Variants in TNIK observed in about 807,000 individuals in gnomAD.
TNIK encodes the protein TRAF2 and NCK interacting kinase.
In TNIK, 49 loss-of-function variants were observed where a neutral mutation model predicts 191.3. The ratio of observed to expected loss-of-function variants is 0.26; its 90% CI spans 0.20 to 0.32. The LOEUF is 0.32. Ranked by LOEUF, TNIK falls within the 10% of genes least tolerant of loss-of-function variation. The pLI is 1.00. For missense variants in TNIK, 1,155 were observed against 1,702.3 expected (o/e 0.68, Z 5.66); for synonymous variants, 594 against 600.9 (o/e 0.99, Z 0.17).
chr3:171,340,444 A>T (rs1430707658), intron 2 of TNIK, among the ~76,000 whole-genome samples: 1 of 152,226 alleles, frequency 6.6e-6, no homozygotes, highest in African/African-American at 2.4e-5. Context: ...AACCGAATAC[A>T]TAAACAGGAT....
intron 7 of TNIK, among the ~76,000 whole-genome samples, chr3:171,184,690 C>A (rs556425286): frequency 6.6e-6 from 1 of 152,190 alleles, no homozygotes; most frequent in Admixed American, 6.5e-5. Context: ...TCAGGTGACA[C>A]CCTGCACGGC....
At chr3:171,378,717 G>A (rs1005879408) in intron 1 of TNIK, among the ~76,000 whole-genome samples, 15 of 152,028 alleles carry the variant, frequency 9.9e-5, no homozygotes, top group Admixed American at 4.6e-4. Context: ...TTGCAGCGAG[G>A]ATTTCTGAGA....
At chr3:171,299,540 A>G (rs529182520) in intron 2 of TNIK, among the ~76,000 whole-genome samples, 8 of 152,176 alleles carry the variant, frequency 5.3e-5, no homozygotes, top group Non-Finnish European at 8.8e-5. Flanking sequence ...GGTGACTTTT[A>G]TGATAACTAT....
chr3:171,178,094 G>A (rs1217160537), intron 7 of TNIK, among the ~76,000 whole-genome samples: 2 of 152,206 alleles, frequency 1.3e-5, no homozygotes, highest in South Asian at 2.1e-4. Flanking sequence ...CACTGTTTTT[G>A]CATTTGGACT....
chr3:171,383,299 C>T (rs1422899736), intron 1 of TNIK, among the ~76,000 whole-genome samples: 2 of 152,228 alleles, frequency 1.3e-5, no homozygotes, highest in African/African-American at 4.8e-5. Flanking sequence ...CTCTGCACCC[C>T]ACTGAGGGCA....
intron 7 of TNIK, among the ~76,000 whole-genome samples, chr3:171,180,455 A>G (rs1317850879): frequency 2.0e-5 from 3 of 152,218 alleles, no homozygotes; most frequent in African/African-American, 7.2e-5. Flanking sequence ...TCTAACACAC[A>G]TACATAAGAA....
chr3:171,072,087 T>C (rs1290466577), intron 28 of TNIK, among the ~76,000 whole-genome samples: 7 of 152,278 alleles, frequency 4.6e-5, no homozygotes, highest in Middle Eastern at 3.4e-3. Context: ...TCTGATAGAA[T>C]AATAAGCAAT....
chr3:171,110,554 A>C (rs1401623935), intron 19 of TNIK, among the ~76,000 whole-genome samples, 160 bp downstream of exon 19: 1 of 152,148 alleles, frequency 6.6e-6, no homozygotes, highest in African/African-American at 2.4e-5. Flanking sequence ...ACAGTGGCCC[A>C]CTCCCGAGGA....
intron 1 of TNIK, among the ~76,000 whole-genome samples, chr3:171,389,989 A>T (rs1719255155): frequency 6.6e-6 from 1 of 152,228 alleles, no homozygotes; most frequent in Non-Finnish European, 1.5e-5. Context: ...TATACAATAC[A>T]ACATGATGCA....
chr3:171,347,043 C>T, intron 2 of TNIK: 3 of 1,223,466 alleles, frequency 2.5e-6, no homozygotes, highest in Admixed American at 2.7e-5. Flanking sequence ...GAGAGATGTG[C>T]AATGCCTGTG....
chr3:171,414,688 T>A (rs961868976), intron 1 of TNIK, among the ~76,000 whole-genome samples: 2 of 152,230 alleles, frequency 1.3e-5, no homozygotes, highest in Non-Finnish European at 2.9e-5. Flanking sequence ...ACCACAGGAT[T>A]TAAAACTATT....
intron 7 of TNIK, among the ~76,000 whole-genome samples, chr3:171,179,446 G>GT (rs945701923): frequency 6.7e-6 from 1 of 148,824 alleles, no homozygotes; most frequent in African/African-American, 2.6e-5. Context: ...TTGTACCTGG[G>GT]TTTTTTGTTT....
intron 4 of TNIK, among the ~76,000 whole-genome samples, chr3:171,198,622 C>T (rs1739016184): frequency 6.6e-6 from 1 of 151,980 alleles, no homozygotes; most frequent in Non-Finnish European, 1.5e-5. Flanking sequence ...CATAGATGGA[C>T]ATGTGGATGG....
chr3:171,332,668 G>A (rs773663252), intron 2 of TNIK, among the ~76,000 whole-genome samples: 2 of 152,150 alleles, frequency 1.3e-5, no homozygotes, highest in Non-Finnish European at 2.9e-5. Context: ...TCCTGATTCA[G>A]CTATAACCTG....
chr3:171,172,836 C>T (rs986748270), intron 9 of TNIK, among the ~76,000 whole-genome samples: 1 of 152,200 alleles, frequency 6.6e-6, no homozygotes, highest in South Asian at 2.1e-4. Context: ...TTGGCCTGGA[C>T]TTCTCAGTGT....
At position 171,126,155 on chromosome 3, in the gene TNIK, A is replaced by G; in HGVS notation, c.1774-4T>C. ...TTACAGCTACCAGATGTGGGATCTA[A>G]GCATCAAAACAACATGAAAACAGCA... On this transcript the variant is annotated splice_region_variant and splice_polypyrimidine_tract_variant and intron_variant, in intron 16 of 32. Transcript: ENST00000436636. 2.6e-6 allele frequency: 4 copies of G among 1,528,942 alleles called. No individual in the cohort carries two copies. Among genetic ancestry groups the G allele is most frequent in the Admixed American group, 2.2e-5 (1 of 45,014 alleles). 94.7% of individuals were successfully genotyped at this position (1,528,942 alleles called of 1,614,324 possible).
chr3:171,113,319 A>C (rs1726143486), intron 18 of TNIK, among the ~76,000 whole-genome samples: 1 of 152,132 alleles, frequency 6.6e-6, no homozygotes, highest in African/African-American at 2.4e-5. Context: ...ATAAAATGCT[A>C]ATTCGGCCAG....
intron 3 of TNIK, among the ~76,000 whole-genome samples, chr3:171,224,935 T>C (rs1170640479): frequency 6.6e-6 from 1 of 152,172 alleles, no homozygotes; most frequent in Non-Finnish European, 1.5e-5. Context: ...ATATAAGCAT[T>C]ATATCCAGTT....
intron 1 of TNIK, among the ~76,000 whole-genome samples, chr3:171,415,793 C>T (rs551152563): frequency 5.1e-4 from 77 of 151,530 alleles, no homozygotes; most frequent in African/African-American, 1.8e-3. Flanking sequence ...TCAGCCTGGC[C>T]AACATGGTGA....
Sources: gnomAD v4.1 joint callset for allele counts (sites outside exome capture counted in the v4.1 genomes callset) on GRCh38, gnomAD v4.1.1 for gene constraint, MANE v1.5 for transcripts, NCBI Gene and HGNC (gene_info 2026-07-23, HGNC 2026-07-21) for gene names.